The following KIAA0319 variants were observed in gnomAD, a reference collection of about 807,000 sequenced individuals.
KIAA0319 encodes dyslexia-associated protein KIAA0319.
Under a neutral mutation model 108.4 loss-of-function variants are expected in KIAA0319, and 83 were observed. The ratio of observed to expected loss-of-function variants is 0.77; its 90% confidence interval spans 0.64 to 0.92. The LOEUF (loss-of-function observed/expected upper bound fraction) is 0.92. Among genes scored for constraint, KIAA0319 ranks in the 40% least tolerant of loss-of-function variants. The pLI, the probability that KIAA0319 is intolerant of heterozygous loss-of-function variation, is 0.00. For synonymous variants in KIAA0319, 484 were observed against 510.4 expected (o/e 0.95, Z 0.70); for missense variants, 1,195 against 1,322.4 (o/e 0.90, Z 1.49).
chr6:24,603,347 C>T (rs749352156), intron 1 of KIAA0319, among the ~76,000 whole-genome samples: 3 of 152,128 alleles, frequency 2.0e-5, no homozygotes, highest in Non-Finnish European at 4.4e-5. Flanking sequence ...GATCTGTACT[C>T]CAAGTGCTTA....
At chr6:24,644,300 C>T (rs960892779) in intron 1 of KIAA0319, among the ~76,000 whole-genome samples, 3 of 152,150 alleles carry the variant, frequency 2.0e-5, no homozygotes, top group African/African-American at 7.2e-5. Context: ...TGACCTTGAA[C>T]TGTAATAATT....
intron 1 of KIAA0319, among the ~76,000 whole-genome samples, chr6:24,609,284 A>G (rs1352730141): frequency 2.7e-5 from 4 of 150,052 alleles, no homozygotes; most frequent in Non-Finnish European, 5.9e-5. Context: ...AAAAAAAAAA[A>G]AAAAAGAAAA....
chr6:24,597,936 A>AAAAAAAAAAAAC (rs1474483246), intron 2 of KIAA0319: 1 of 154,902 alleles, frequency 6.5e-6, no homozygotes, highest in African/African-American at 2.5e-5. Flanking sequence ...AAAAAAAAAA[A>AAAAAAAAAAAAC]AAAAAAAAAA....
chr6:24,549,399 G>A (rs868019824), intron 20 of KIAA0319, among the ~76,000 whole-genome samples: 5 of 151,610 alleles, frequency 3.3e-5, no homozygotes, highest in Admixed American at 6.6e-5. Flanking sequence ...CAGTGAGGAG[G>A]CACCAACTAT....
chr6:24,553,321 A>T (rs1321501309), intron 19 of KIAA0319, among the ~76,000 whole-genome samples: 1 of 116,190 alleles, frequency 8.6e-6, no homozygotes, highest in Admixed American at 8.1e-5. Flanking sequence ...ACACACACAC[A>T]CACACACACA....
Position 24,601,081 on chromosome 6 carries a change from A to G in KIAA0319, c.23T>C (p.Leu8Pro). 6.2e-7 allele frequency: 1 copy of G among 1,614,136 alleles called. No individual in the cohort carries two copies. The highest frequency in any genetic ancestry group is 8.5e-7 in the Non-Finnish European group (1 of 1,180,028). MAPPTGV[L>P]SSLLLLVTIA... Reference sequence around the variant, plus strand: ...TGTCACCAGCAGCAGCAATGAAGAGAGCACACCTGTGGGGGGCGCCATTGT... The same window carrying G: ...TGTCACCAGCAGCAGCAATGAAGAGGGCACACCTGTGGGGGGCGCCATTGT... Residue 8 changes from leucine (L) to proline (P), a missense_variant, in exon 2 of 21, where the codon CTC becomes CCC. Physicochemically the swap from Leu to Pro is moderately conservative, Grantham distance 98 (BLOSUM62 -3). Transcript: ENST00000378214.
chr6:24,644,657 A>G (rs1343297609), intron 1 of KIAA0319, among the ~76,000 whole-genome samples: 3 of 151,922 alleles, frequency 2.0e-5, no homozygotes, highest in Non-Finnish European at 4.4e-5. Flanking sequence ...ATTCTTTTAC[A>G]TTCATACATT....
intron 14 of KIAA0319, 95 bp from the exon 15 acceptor site, chr6:24,564,435 AAC>A: frequency 6.7e-7 from 1 of 1,501,562 alleles, no homozygotes; most frequent in Non-Finnish European, 9.1e-7. Flanking sequence ...CCATCTTTTT[AAC>A]ACAGGCGTGA....
chr6:24,587,029 CACCGATG>C (rs1480823947), intron 4 of KIAA0319, among the ~76,000 whole-genome samples: 1 of 152,168 alleles, frequency 6.6e-6, no homozygotes, highest in African/African-American at 2.4e-5. Flanking sequence ...ATCACCTCCA[CACCGATG>C]ACTCGTAATC....
chr6:24,547,397 TGTCA>T (rs1171895223), intron 20 of KIAA0319, 54 bp from the exon 21 acceptor site: 1 of 1,496,418 alleles, frequency 6.7e-7, no homozygotes, highest in African/African-American at 1.4e-5. Context: ...CACTTCCAGC[TGTCA>T]GTCGTTGTGG....
chr6:24,558,343 T>C (rs138291389), intron 17 of KIAA0319, among the ~76,000 whole-genome samples: 92 of 145,730 alleles, frequency 6.3e-4, no homozygotes, highest in African/African-American at 2.3e-3. Flanking sequence ...AGAAAGTCAA[T>C]TGTAGATGGA....
intron 2 of KIAA0319, 38 bp downstream of exon 2, chr6:24,601,011 A>C: frequency 1.9e-6 from 3 of 1,613,712 alleles, no homozygotes; most frequent in Non-Finnish European, 2.5e-6. Context: ...AAGAAACTCA[A>C]GTCCAACACG....
intron 8 of KIAA0319, 114 bp downstream of exon 8, chr6:24,579,744 T>C: frequency 1.4e-6 from 1 of 716,998 alleles, no homozygotes; most frequent in Non-Finnish European, 2.3e-6. Context: ...AAGGAGGTGA[T>C]CGTTTATCAA....
intron 1 of KIAA0319, among the ~76,000 whole-genome samples, chr6:24,618,743 G>A (rs1773508117): frequency 6.6e-6 from 1 of 151,458 alleles, no homozygotes; most frequent in Non-Finnish European, 1.5e-5. Context: ...ATGGAATTCT[G>A]GCATATAAAT....
At chr6:24,575,302 C>T (rs1157360025) in intron 10 of KIAA0319, among the ~76,000 whole-genome samples, 2 of 152,128 alleles carry the variant, frequency 1.3e-5, no homozygotes, top group African/African-American at 4.8e-5. Flanking sequence ...ATCCAGTATG[C>T]ATGGATGGAT....
intron 1 of KIAA0319, among the ~76,000 whole-genome samples, chr6:24,631,033 C>T (rs181626896): frequency 7.3e-4 from 111 of 152,242 alleles, no homozygotes; most frequent in African/African-American, 2.4e-3. Flanking sequence ...CTGTTAAGAA[C>T]GAGCTGTATT....
At chr6:24,577,212 C>T (rs1011110894) in intron 9 of KIAA0319, among the ~76,000 whole-genome samples, 1 of 152,168 alleles carries the variant, frequency 6.6e-6, no homozygotes, top group African/African-American at 2.4e-5. Flanking sequence ...CCTCACCCAA[C>T]ACAGATGCCA....
intron 20 of KIAA0319, among the ~76,000 whole-genome samples, chr6:24,548,328 A>AG (rs202221283): frequency 0.053 from 8,105 of 152,226 alleles, 486 homozygotes; most frequent in African/African-American, 0.15. Flanking sequence ...GCAAATAGAG[A>AG]GGGGGTCTTG....
chr6:24,616,590 G>C (rs1773190592), intron 1 of KIAA0319, among the ~76,000 whole-genome samples: 1 of 152,190 alleles, frequency 6.6e-6, no homozygotes, highest in African/African-American at 2.4e-5. Context: ...TTGACCTCGT[G>C]ATCTGCCCAC....
Sources: gnomAD v4.1 joint callset for allele counts (sites outside exome capture counted in the v4.1 genomes callset) on GRCh38, gnomAD v4.1.1 for gene constraint, MANE v1.5 for transcripts, NCBI Gene and HGNC (gene_info 2026-07-23, HGNC 2026-07-21) for gene names.